DOCK10: variants seen among roughly 807,000 people sequenced by gnomAD.
The protein encoded by DOCK10 is dedicator of cytokinesis 10.
A neutral mutation model predicts 280.1 loss-of-function variants in DOCK10; 145 were observed. The ratio of observed to expected loss-of-function variants is 0.52; its 90% CI spans 0.45 to 0.59. The LOEUF (loss-of-function observed/expected upper bound fraction) is 0.59, where lower values mean the gene tolerates loss of function less well. DOCK10 is among the 20% of genes least tolerant of loss of function. The pLI is 0.00. For missense variants in DOCK10, 2,368 were observed against 2,651.7 expected (o/e 0.89, Z 2.35); for synonymous variants, 915 against 942.2 (o/e 0.97, Z 0.53).
chr2:224,801,719 G>GGTA (rs2125179996), intron 40 of DOCK10, among the ~76,000 whole-genome samples, 197 bp downstream of exon 40: 1 of 152,182 alleles, frequency 6.6e-6, no homozygotes, highest in Admixed American at 6.5e-5. Context: ...ATGATATTGA[G>GGTA]GGTTTTGCCT....
At chr2:224,836,423 T>C (rs774194310) in intron 25 of DOCK10, among the ~76,000 whole-genome samples, 4 of 152,212 alleles carry the variant, frequency 2.6e-5, no homozygotes, top group Non-Finnish European at 4.4e-5. Context: ...ATATAGCCTA[T>C]GTTTAAAAAG....
At chr2:224,830,020 T>C (rs1304111155) in intron 27 of DOCK10, among the ~76,000 whole-genome samples, 1 of 152,148 alleles carries the variant, frequency 6.6e-6, no homozygotes, top group Admixed American at 6.5e-5. Flanking sequence ...GTGGGAAGAA[T>C]ATAAAGAGTT....
intron 1 of DOCK10, among the ~76,000 whole-genome samples, chr2:225,025,399 C>T (rs2106111430): frequency 6.6e-6 from 1 of 152,224 alleles, no homozygotes; most frequent in East Asian, 1.9e-4. Context: ...AATATGTCTC[C>T]ATATTTCCCT....
chr2:225,029,018 T>A (rs1016019522), intron 1 of DOCK10, among the ~76,000 whole-genome samples: 1 of 152,180 alleles, frequency 6.6e-6, no homozygotes, highest in East Asian at 1.9e-4. Context: ...TAGATTTCCA[T>A]CTTATGATAT....
At chr2:224,959,257 C>T (rs1000981123) in intron 1 of DOCK10, among the ~76,000 whole-genome samples, 4 of 146,456 alleles carry the variant, frequency 2.7e-5, no homozygotes, top group African/African-American at 5.0e-5. Context: ...CAACATCTAT[C>T]GCTGATAGGT....
intron 1 of DOCK10, among the ~76,000 whole-genome samples, chr2:225,015,531 C>T (rs1241026246): frequency 1.3e-5 from 2 of 152,172 alleles, no homozygotes; most frequent in Non-Finnish European, 2.9e-5. Flanking sequence ...TGTGCCTCCC[C>T]ACTCTCCACC....
intron 1 of DOCK10, among the ~76,000 whole-genome samples, chr2:225,000,153 T>C (rs1405861361): frequency 6.6e-6 from 1 of 152,070 alleles, no homozygotes; most frequent in Admixed American, 6.5e-5. Flanking sequence ...AAAGGCTATG[T>C]TCTATCATTT....
At chr2:224,949,944 G>C (rs1575105004) in intron 1 of DOCK10, among the ~76,000 whole-genome samples, 6 of 152,296 alleles carry the variant, frequency 3.9e-5, no homozygotes, top group Admixed American at 3.9e-4. Flanking sequence ...AAATCTGCCT[G>C]TCTACTGCCC....
In DOCK10 at chr2:224,886,541, A is replaced by T; in HGVS notation, c.417-10T>A. On this transcript the variant is annotated splice_polypyrimidine_tract_variant and intron_variant, in intron 4 of 55. Coordinates refer to ENST00000258390, the MANE Select transcript of DOCK10 (RefSeq NM_014689.3). Reference sequence around the variant, plus strand: ...TGGTTTGTATTCTGCTCTGATATTAAAAAAAAAAAAAGATTCTGATTTGTC... The same window carrying T: ...TGGTTTGTATTCTGCTCTGATATTATAAAAAAAAAAAGATTCTGATTTGTC... 1.9e-6 allele frequency: 2 copies of T among 1,056,214 alleles called. No individual in the cohort carries two copies. Among genetic ancestry groups the T allele is most frequent in the African/African-American group, 4.0e-5 (1 of 24,856 alleles). 65.4% of individuals were successfully genotyped at this position (1,056,214 alleles called of 1,614,324 possible).
rs570216025 is a variant in DOCK10, at chr2:224,998,127, T to A, written c.123+44125A>T. Among the ~76,000 whole-genome samples, 4 of 152,346 alleles carry A rather than the reference T, an allele frequency of 2.6e-5. No homozygotes were observed. In the East Asian group the frequency reaches 7.7e-4, roughly 29 times the overall value. Reference sequence around the variant, plus strand: ...TCTAGTGCTACCCTCCTGGTTATAGTTCTCATTACTTTCAATCTCATGGTG... The same window carrying A: ...TCTAGTGCTACCCTCCTGGTTATAGATCTCATTACTTTCAATCTCATGGTG... On this transcript the variant is annotated intron_variant, in intron 1 of 55. Coordinates refer to ENST00000258390, the MANE Select transcript of DOCK10 (RefSeq NM_014689.3).
intron 41 of DOCK10, 85 bp from the exon 42 acceptor site, chr2:224,798,054 G>T: frequency 1.5e-6 from 2 of 1,347,076 alleles, no homozygotes; most frequent in Non-Finnish European, 1.0e-6. Context: ...AACCTGTCAT[G>T]TGGTAAGGCA....
chr2:224,844,833 C>A lies in DOCK10; in HGVS notation c.2488G>T (p.Gly830Trp). The A allele has an allele frequency of 6.2e-7, 1 of 1,605,114 alleles. No individual in the cohort carries two copies. Reference protein sequence around the residue: ...FQDSASGKHGGSDIKWVDGGK... With the variant: ...FQDSASGKHGWSDIKWVDGGK... ...CCATCAACCCATTTAATGTCACTCC[C>A]ACCATGCTGCAAAATAAAGTTTGTT... The change falls in exon 22 of 56, where the codon GGG becomes TGG. Residue 830 changes from glycine (G) to tryptophan (W), a missense_variant. Physicochemically the swap from Gly to Trp is radical, Grantham distance 184. This residue lies in a region of DOCK10 where 1,209 missense variants were observed against 1,250.9 expected (regional missense o/e 0.97). Transcript: ENST00000258390.
intron 55 of DOCK10, among the ~76,000 whole-genome samples, chr2:224,767,553 A>T (rs1344650368): frequency 6.6e-6 from 1 of 152,216 alleles, no homozygotes; most frequent in Non-Finnish European, 1.5e-5. Flanking sequence ...TTAAAGATTT[A>T]TAGGAGCATT....
At chr2:224,935,429 G>A (rs1702628535) in intron 1 of DOCK10, among the ~76,000 whole-genome samples, 1 of 152,112 alleles carries the variant, frequency 6.6e-6, no homozygotes, top group Admixed American at 6.5e-5. Flanking sequence ...GCCTTATTTT[G>A]GAAAAATCCA....
At chr2:224,773,780 C>T (rs1054921148) in intron 52 of DOCK10, among the ~76,000 whole-genome samples, 7 of 151,798 alleles carry the variant, frequency 4.6e-5, no homozygotes, top group Admixed American at 6.6e-5. Flanking sequence ...TACAGGTGTG[C>T]GCCACCATGC....
intron 2 of DOCK10, among the ~76,000 whole-genome samples, chr2:224,921,612 C>T (rs13016818): frequency 0.34 from 51,442 of 152,032 alleles, 8,789 homozygotes; most frequent in Middle Eastern, 0.37. Context: ...AATAAGACAA[C>T]AGGCTGAATT....
intron 19 of DOCK10, among the ~76,000 whole-genome samples, chr2:224,847,654 T>A (rs1423270928): frequency 6.6e-6 from 1 of 152,192 alleles, no homozygotes; most frequent in Admixed American, 6.5e-5. Context: ...TAGCAGTAAA[T>A]ATTGTGTAAT....
intron 11 of DOCK10, among the ~76,000 whole-genome samples, chr2:224,871,836 C>G (rs1387906288): frequency 2.0e-5 from 3 of 152,188 alleles, no homozygotes; most frequent in African/African-American, 7.2e-5. Flanking sequence ...TGGAACACAT[C>G]TCTCCATATT....
chr2:225,006,415 C>T (rs1390913868), intron 1 of DOCK10, among the ~76,000 whole-genome samples: 4 of 152,192 alleles, frequency 2.6e-5, no homozygotes, highest in Admixed American at 1.3e-4. Flanking sequence ...GCTAGGTAAA[C>T]CTAATAAGTT....
Sources: gnomAD v4.1 joint callset for allele counts (sites outside exome capture counted in the v4.1 genomes callset) on GRCh38, gnomAD v4.1.1 for gene constraint, gnomAD v4.1.1 regional missense constraint, MANE v1.5 for transcripts, NCBI Gene and HGNC (gene_info 2026-07-23, HGNC 2026-07-21) for gene names.